Variants in SBF2 observed in about 807,000 individuals in gnomAD.
SBF2 encodes the protein SET binding factor 2.
SBF2 carries 112 observed loss-of-function variants against 225.2 expected under a neutral mutation model. The observed-to-expected ratio is 0.50, with a 90% CI of 0.43 to 0.58. The LOEUF is 0.58. Among genes scored for constraint, SBF2 ranks in the 20% least tolerant of loss-of-function variants. The pLI is 0.00. For synonymous variants in SBF2, 763 were observed against 773.3 expected, an observed-to-expected ratio of 0.99 and a Z score of 0.22; for missense variants, 1,996 against 2,206.2, an observed-to-expected ratio of 0.90 and a Z score of 1.91.
At chr11:9,972,766 C>T (rs536290255) in intron 13 of SBF2, among the ~76,000 whole-genome samples, 1 of 152,328 alleles carries the variant, frequency 6.6e-6, no homozygotes, top group South Asian at 2.1e-4. Flanking sequence ...CAGGCGTAAG[C>T]CACCACGCCC....
At chr11:9,868,765 T>C (rs1858462053) in intron 17 of SBF2, among the ~76,000 whole-genome samples, 1 of 152,206 alleles carries the variant, frequency 6.6e-6, no homozygotes, top group African/African-American at 2.4e-5. Flanking sequence ...AGTGGTGACA[T>C]CTGACACATT....
At chr11:10,138,336 T>G (rs4323860) in intron 2 of SBF2, among the ~76,000 whole-genome samples, 1 of 151,804 alleles carries the variant, frequency 6.6e-6, no homozygotes, top group Admixed American at 6.6e-5. Flanking sequence ...CTAGTGATAT[T>G]TCATTTCATT....
At chr11:9,950,143 G>C (rs1053455319) in intron 16 of SBF2, among the ~76,000 whole-genome samples, 1 of 148,936 alleles carries the variant, frequency 6.7e-6, no homozygotes, top group East Asian at 2.1e-4. Flanking sequence ...CTCGTAAGCA[G>C]GGATTAAAAA....
Position 9,973,692 on chromosome 11 carries a change from C to T in SBF2, c.1396-5147G>A, listed in dbSNP as rs115201457. On this transcript the variant is annotated intron_variant, in intron 13 of 39. Transcript: ENST00000256190. Reference sequence around the variant, plus strand: ...CTGCAGCACGCCCAGCTACCCCCAGCTTTGGTAGGCTAAGTGAGAATATGC... The same window carrying T: ...CTGCAGCACGCCCAGCTACCCCCAGTTTTGGTAGGCTAAGTGAGAATATGC... Among the ~76,000 whole-genome samples the T allele has an allele frequency of 2.9e-3, 441 of 152,204 alleles. 4 individuals carry two copies. The highest frequency in any genetic ancestry group is 0.01 in the African/African-American group (423 of 41,518).
At chr11:9,944,436 C>G (rs1464742648) in intron 16 of SBF2, among the ~76,000 whole-genome samples, 1 of 152,096 alleles carries the variant, frequency 6.6e-6, no homozygotes, top group Admixed American at 6.5e-5. Context: ...GAAAACAATA[C>G]CAAGTTGAGA....
intron 3 of SBF2, among the ~76,000 whole-genome samples, chr11:10,034,512 A>G (rs72858842): frequency 0.052 from 7,983 of 152,302 alleles, 296 homozygotes; most frequent in Middle Eastern, 0.16. Context: ...TTGTATCTTG[A>G]TGCTTAATTT....
intron 16 of SBF2, among the ~76,000 whole-genome samples, chr11:9,903,282 A>G (rs1861871457): frequency 6.6e-6 from 1 of 152,190 alleles, no homozygotes; most frequent in African/African-American, 2.4e-5. Context: ...AGATCGTGCC[A>G]CTGCACACCA....
intron 16 of SBF2, 109 bp from the exon 17 acceptor site, chr11:9,896,120 C>G (rs777857702): frequency 3.9e-5 from 36 of 913,902 alleles, no homozygotes; most frequent in Non-Finnish European, 5.9e-5. Flanking sequence ...GGGTTTTTAC[C>G]TTTTTATTTT....
At chr11:9,872,091 T>G (rs1174631458) in intron 17 of SBF2, among the ~76,000 whole-genome samples, 1 of 152,124 alleles carries the variant, frequency 6.6e-6, no homozygotes, top group Non-Finnish European at 1.5e-5. Context: ...AACGATAGAC[T>G]GAATAAAGAA....
rs1314403607 is a variant in SBF2 at position 9,850,076 on chromosome 11, A to G, written c.2753T>C (p.Leu918Ser). Residue 918 changes from leucine to serine, a missense_variant, in exon 22 of 40, where the codon TTG (leucine) becomes TCG (serine). Physicochemically the swap from Leu to Ser is moderately radical, Grantham distance 145. Transcript: ENST00000256190. ...GAGAATTCTGTATGTGGTGAGGAAC[A>G]AGGCTCCTTCTGCTGGCAGGAGCTG... is the stretch of plus-strand genomic sequence containing the variant. ...GPQLLPAEGA[L>S]FLTTYRILFR... 6.2e-7 allele frequency: 1 copy of G among 1,614,018 alleles called. No homozygotes were observed.
chr11:9,968,639 G>A, intron 13 of SBF2, 94 bp from the exon 14 acceptor site: 1 of 986,200 alleles, frequency 1.0e-6, no homozygotes, highest in East Asian at 2.4e-5. Flanking sequence ...ACACGAGCTG[G>A]GTAGTTATAC....
chr11:9,896,643 G>T (rs981608145), intron 16 of SBF2, among the ~76,000 whole-genome samples: 5 of 152,014 alleles, frequency 3.3e-5, no homozygotes, highest in African/African-American at 1.2e-4. Flanking sequence ...AATACAAAAA[G>T]CCAGGCATGG....
intron 2 of SBF2, among the ~76,000 whole-genome samples, chr11:10,163,985 A>T (rs1389222127): frequency 3.9e-5 from 6 of 152,204 alleles, no homozygotes; most frequent in Admixed American, 3.9e-4. Flanking sequence ...GACAAAGCTG[A>T]AATTATTTCT....
chr11:10,065,420 CAATAA>C (rs1950591771), intron 2 of SBF2, among the ~76,000 whole-genome samples: 1 of 151,476 alleles, frequency 6.6e-6, no homozygotes, highest in South Asian at 2.1e-4. Flanking sequence ...AAACAGAAAT[CAATAA>C]AATAAAAAGT....
At chr11:10,197,090 T>C (rs1010225170) in intron 1 of SBF2, among the ~76,000 whole-genome samples, 4 of 152,074 alleles carry the variant, frequency 2.6e-5, no homozygotes, top group African/African-American at 7.2e-5. Flanking sequence ...TAGTAAACTG[T>C]GGCAGCACTG....
intron 2 of SBF2, among the ~76,000 whole-genome samples, chr11:10,175,952 C>A (rs1276401598): frequency 6.7e-6 from 1 of 148,888 alleles, no homozygotes; most frequent in Non-Finnish European, 1.5e-5. Context: ...TAAAGATGTT[C>A]TTTGAAACCA....
chr11:9,908,250 T>G (rs1376029972), intron 16 of SBF2, among the ~76,000 whole-genome samples: 1 of 152,228 alleles, frequency 6.6e-6, no homozygotes, highest in Non-Finnish European at 1.5e-5. Flanking sequence ...TTTAGGAATT[T>G]AAAAACATTA....
At chr11:10,196,456 C>T (rs1442734) in intron 1 of SBF2, among the ~76,000 whole-genome samples, 14,413 of 151,968 alleles carry the variant, frequency 0.095, 922 homozygotes, top group East Asian at 0.28. Context: ...CATCGCTCAC[C>T]GCAGCCTTGA....
chr11:9,938,996 A>G (rs889170061), intron 16 of SBF2, among the ~76,000 whole-genome samples: 3 of 152,208 alleles, frequency 2.0e-5, no homozygotes, highest in African/African-American at 7.2e-5. Context: ...AGAAAAAGTT[A>G]ACCCAAAAGA....
Sources: gnomAD v4.1 joint callset for allele counts (sites outside exome capture counted in the v4.1 genomes callset) on GRCh38, gnomAD v4.1.1 for gene constraint, MANE v1.5 for transcripts, NCBI Gene and HGNC (gene_info 2026-07-23, HGNC 2026-07-21) for gene names.